The following GRIK4 variants were observed in gnomAD, a reference collection of about 807,000 sequenced individuals.
GRIK4 encodes the protein glutamate ionotropic receptor kainate type subunit 4, also known as glutamate receptor ionotropic, kainate 4.
Under a neutral mutation model 104.9 loss-of-function variants are expected in GRIK4, and 40 were observed. The observed-to-expected ratio is 0.38, with a 90% CI of 0.30 to 0.50. The LOEUF (loss-of-function observed/expected upper bound fraction) is 0.50, where lower values mean the gene tolerates loss of function less well. Among genes scored for constraint, GRIK4 ranks in the 20% least tolerant of loss-of-function variants. The probability of loss-of-function intolerance (pLI) is 0.93; values close to 1 mark genes in which losing one functional copy is unlikely to be tolerated. For synonymous variants in GRIK4, 485 were observed against 524.9 expected (o/e 0.92, Z 1.04); for missense variants, 1,047 against 1,308.1 (o/e 0.80, Z 3.08).
intron 13 of GRIK4, among the ~76,000 whole-genome samples, chr11:120,917,352 A>G (rs1185601735): frequency 6.6e-6 from 1 of 152,062 alleles, no homozygotes; most frequent in African/African-American, 2.4e-5. Flanking sequence ...ATCAGCAGAC[A>G]GTGATTTAAC....
At chr11:120,644,083 AGTGT>A (rs1949510346) in intron 1 of GRIK4, among the ~76,000 whole-genome samples, 37 of 74,130 alleles carry the variant, frequency 5.0e-4, no homozygotes, top group African/African-American at 1.6e-3. Context: ...AGAGAGAGAA[AGTGT>A]GTGTATGTGT....
chr11:120,658,191 A>T (rs917513002), intron 2 of GRIK4, among the ~76,000 whole-genome samples: 1 of 151,914 alleles, frequency 6.6e-6, no homozygotes, highest in African/African-American at 2.4e-5. Flanking sequence ...TATGAGATTC[A>T]TCCTTGCTGT....
At chr11:120,658,223 C>G (rs1350029846) in intron 2 of GRIK4, among the ~76,000 whole-genome samples, 1 of 151,784 alleles carries the variant, frequency 6.6e-6, no homozygotes, top group Non-Finnish European at 1.5e-5. Flanking sequence ...GTCGATTATT[C>G]ATTTTCATTT....
intron 1 of GRIK4, among the ~76,000 whole-genome samples, chr11:120,567,608 G>C (rs1948347059): frequency 6.6e-6 from 1 of 152,198 alleles, no homozygotes; most frequent in African/African-American, 2.4e-5. Context: ...TTGTGTGCTG[G>C]GACTCCAGAG....
At chr11:120,558,766 G>A (rs1948211215) in intron 1 of GRIK4, among the ~76,000 whole-genome samples, 2 of 152,216 alleles carry the variant, frequency 1.3e-5, no homozygotes, top group South Asian at 4.1e-4. Flanking sequence ...TTAGTTTATA[G>A]AGAGGGTTGG....
chr11:120,925,672 G>A (rs184997844), intron 13 of GRIK4, among the ~76,000 whole-genome samples: 119 of 152,288 alleles, frequency 7.8e-4, no homozygotes, highest in African/African-American at 2.6e-3. Context: ...GTGCATTTGG[G>A]TTAGAAATGA....
At position 120,555,585 on chromosome 11, in the gene GRIK4, C is replaced by T. The variant is rs910103109; in HGVS notation, c.-159+43698C>T. ...TCCCTCACGGTCCGCCTGCCTTTCC[C>T]GACCTACCCACTTCTGGGGAGTTTC... On this transcript the variant is annotated intron_variant, in intron 1 of 20. Transcript: ENST00000527524. The surrounding 1 kb of genome is among the most constrained non-coding windows in gnomAD (Gnocchi z 5.3). Among the ~76,000 whole-genome samples, 6 of 152,208 alleles carry T rather than the reference C, an allele frequency of 3.9e-5. No individual in the cohort carries two copies. Among genetic ancestry groups the T allele is most frequent in the Admixed American group, 2.0e-4 (3 of 15,276 alleles).
intron 3 of GRIK4, among the ~76,000 whole-genome samples, chr11:120,758,312 T>C (rs1380622591): frequency 1.3e-5 from 2 of 152,246 alleles, no homozygotes; most frequent in Non-Finnish European, 2.9e-5. Flanking sequence ...AGAGGGCTTC[T>C]TCATGCTCTG....
At position 120,889,588 on chromosome 11, in the gene GRIK4, C is replaced by CTTTTTTT. The variant is rs776440015; in HGVS notation, c.1165-8944_1165-8943insTTTTTTT. ...AATAGAATAAAATAGAAAGAGCTTA[C>CTTTTTTT]ATTTTTTTTTTTTTTTTTTTTTTTT... On this transcript the variant is annotated intron_variant, in intron 11 of 20. Transcript: ENST00000527524. 3.6e-3 allele frequency among the ~76,000 whole-genome samples: 240 copies of CTTTTTTT among 67,118 alleles called. 31 individuals are homozygous for CTTTTTTT. The highest frequency in any genetic ancestry group is 0.03 in the East Asian group (52 of 1,748). The allele number at this position is 67,118 out of a possible 152,430, so 44.0% of individuals were successfully genotyped here.
intron 3 of GRIK4, among the ~76,000 whole-genome samples, chr11:120,777,208 C>T (rs953745211): frequency 6.6e-6 from 1 of 152,184 alleles, no homozygotes; most frequent in African/African-American, 2.4e-5. Flanking sequence ...TGCTTCACAG[C>T]CCCCCAATAC....
chr11:120,927,580 A>AG (rs1400684931), intron 13 of GRIK4, among the ~76,000 whole-genome samples: 6 of 150,854 alleles, frequency 4.0e-5, no homozygotes, highest in Admixed American at 6.6e-5. Context: ...AAAAAAAAAA[A>AG]AAAAAAAAAG....
intron 14 of GRIK4, among the ~76,000 whole-genome samples, chr11:120,941,248 A>G (rs1196119951): frequency 6.6e-6 from 1 of 152,180 alleles, no homozygotes; most frequent in Non-Finnish European, 1.5e-5. Context: ...GATTTGCCCA[A>G]TACACTAGTC....
chr11:120,606,645 G>A (rs1316675175), intron 1 of GRIK4, among the ~76,000 whole-genome samples: 1 of 152,248 alleles, frequency 6.6e-6, no homozygotes, highest in Non-Finnish European at 1.5e-5. Flanking sequence ...GAAAGCTGTT[G>A]TGCATGAGAG....
intron 1 of GRIK4, among the ~76,000 whole-genome samples, chr11:120,541,571 G>A (rs929486739): frequency 1.3e-5 from 2 of 151,956 alleles, no homozygotes; most frequent in Admixed American, 1.3e-4. Flanking sequence ...ATGGCTCACT[G>A]CAGCCTCGAC....
intron 3 of GRIK4, among the ~76,000 whole-genome samples, chr11:120,733,575 TGCACAAACTAA>T (rs947384560): frequency 4.7e-5 from 3 of 63,926 alleles, no homozygotes; most frequent in Non-Finnish European, 1.1e-4. Flanking sequence ...CAACACTGAA[TGCACAAACTAA>T]CAAGCAAGAA....
intron 11 of GRIK4, among the ~76,000 whole-genome samples, chr11:120,892,419 A>G (rs1170672626): frequency 3.3e-5 from 5 of 152,198 alleles, no homozygotes; most frequent in Admixed American, 1.3e-4. Flanking sequence ...AGAACAGAAC[A>G]GGGAGGCCCA....
intron 3 of GRIK4, among the ~76,000 whole-genome samples, chr11:120,718,250 C>CCACTCCCTCCTCTCCCCGT (rs1555048414): frequency 1.3e-5 from 2 of 152,088 alleles, no homozygotes; most frequent in African/African-American, 4.8e-5. Flanking sequence ...GACCTCCCAG[C>CCACTCCCTCCTCTCCCCGT]CACTCCCTCC....
intron 1 of GRIK4, among the ~76,000 whole-genome samples, chr11:120,585,341 CT>C (rs1948645730): frequency 7.2e-6 from 1 of 138,978 alleles, no homozygotes; most frequent in Non-Finnish European, 1.6e-5. Flanking sequence ...CCCTCTCTCT[CT>C]CTTTTTTTTT....
At chr11:120,749,145 C>T (rs1951498687) in intron 3 of GRIK4, among the ~76,000 whole-genome samples, 1 of 152,114 alleles carries the variant, frequency 6.6e-6, no homozygotes, top group Admixed American at 6.5e-5. Context: ...CTGCTTGGCC[C>T]TATAGTACTT....
Sources: allele counts gnomAD v4.1 joint callset (sites outside exome capture counted in the v4.1 genomes callset), GRCh38; gene constraint gnomAD v4.1.1; non-coding constraint Gnocchi (gnomAD v3.1); transcripts MANE v1.5; gene names NCBI Gene and HGNC (gene_info 2026-07-23, HGNC 2026-07-21).